The following ELFN2 variants were observed in gnomAD, a reference collection of about 807,000 sequenced individuals.
ELFN2 encodes protein phosphatase 1 regulatory subunit 29.
ELFN2 carries 17 observed loss-of-function variants against 45.5 expected under a neutral mutation model. The ratio of observed to expected loss-of-function variants is 0.37; its 90% CI spans 0.26 to 0.56. The LOEUF (loss-of-function observed/expected upper bound fraction) is 0.56, where lower values mean the gene tolerates loss of function less well. ELFN2 is among the 20% of genes least tolerant of loss of function. ELFN2 has a pLI of 0.77. For missense variants in ELFN2, 922 were observed against 1,183.2 expected, an observed-to-expected ratio of 0.78 and a Z score of 3.24; for synonymous variants, 550 against 551.5, an observed-to-expected ratio of 1.00 and a Z score of 0.04.
At chr22:37,389,944 CA>C (rs891182100) in intron 2 of ELFN2, among the ~76,000 whole-genome samples, 39 of 152,172 alleles carry the variant, frequency 2.6e-4, no homozygotes, top group African/African-American at 8.0e-4. Context: ...TCCCCAAGAC[CA>C]GGGGGGTGGG....
intron 1 of ELFN2, among the ~76,000 whole-genome samples, chr22:37,346,394 C>T (rs1189780477): frequency 2.0e-5 from 3 of 152,188 alleles, no homozygotes; most frequent in South Asian, 2.1e-4. Context: ...TACCCCACCC[C>T]TCCTTCCCTC....
chr22:37,402,090 G>A (rs1932378591), intron 2 of ELFN2, among the ~76,000 whole-genome samples: 2 of 152,228 alleles, frequency 1.3e-5, no homozygotes, highest in South Asian at 4.1e-4. Flanking sequence ...CCTCATCTAT[G>A]AAGTAGGAAC....
At chr22:37,416,949 C>A (rs1932765358) in intron 2 of ELFN2, among the ~76,000 whole-genome samples, 1 of 152,200 alleles carries the variant, frequency 6.6e-6, no homozygotes, top group African/African-American at 2.4e-5. Context: ...TTAGCAACCA[C>A]CAACACTGTG....
At chr22:37,378,704 G>A (rs909750743) in intron 2 of ELFN2, among the ~76,000 whole-genome samples, 4 of 152,358 alleles carry the variant, frequency 2.6e-5, no homozygotes, top group South Asian at 4.1e-4. Context: ...TGACTCAGAC[G>A]GAGTTGGGAG....
chr22:37,384,725 A>G (rs13055099), intron 2 of ELFN2: 3 of 7,568 alleles, frequency 4.0e-4, no homozygotes, highest in African/African-American at 5.8e-4. Context: ...TCCCACTCCC[A>G]ACCCCTGCCC....
At chr22:37,381,375 T>C (rs992468960) in intron 2 of ELFN2, among the ~76,000 whole-genome samples, 9 of 152,108 alleles carry the variant, frequency 5.9e-5, no homozygotes, top group African/African-American at 2.2e-4. Flanking sequence ...GAGATTTCGA[T>C]GTTTCCATCA....
intron 1 of ELFN2, among the ~76,000 whole-genome samples, chr22:37,344,193 ATGCACACC>A (rs1930638128): frequency 4.2e-5 from 2 of 47,478 alleles, no homozygotes; most frequent in Non-Finnish European, 7.9e-5. Flanking sequence ...CCACCTGCCC[ATGCACACC>A]TGCCCATGCC....
intron 1 of ELFN2, among the ~76,000 whole-genome samples, chr22:37,347,162 G>C (rs1308534117): frequency 6.6e-6 from 1 of 151,972 alleles, no homozygotes; most frequent in African/African-American, 2.4e-5. Context: ...ATTTTTAGTA[G>C]AGATGGGGGT....
chr22:37,348,868 G>A (rs373793241), intron 1 of ELFN2, among the ~76,000 whole-genome samples: 6 of 150,962 alleles, frequency 4.0e-5, no homozygotes, highest in African/African-American at 1.4e-4. Context: ...TGATGGCTTG[G>A]TGGAGGTGGC....
chr22:37,380,515 G>A (rs1012953956), intron 2 of ELFN2, among the ~76,000 whole-genome samples: 1 of 152,318 alleles, frequency 6.6e-6, no homozygotes, highest in African/African-American at 2.4e-5. Context: ...AGGAGCAGGT[G>A]GGGGGAAGCG....
At chr22:37,354,351 T>G (rs1047514913) in intron 1 of ELFN2, 1 of 152,244 alleles carries the variant, frequency 6.6e-6, no homozygotes, top group Admixed American at 6.5e-5. Context: ...AGGCATGCTT[T>G]CTGTGTGTGT....
chr22:37,372,991 C>T lies in ELFN2; in HGVS notation c.*81G>A. ...CTGGGCCTTGGCCCCCGAGTCTGCT[C>T]CCCGCCCTGGCCGCCTGGACCCTTC... is the stretch of plus-strand genomic sequence containing the variant. On this transcript the variant is annotated 3_prime_UTR_variant, in exon 3 of 3. Coordinates refer to ENST00000402918, the MANE Select transcript of ELFN2 (RefSeq NM_052906.5). This position sits in a 1 kb window ranked among gnomAD's most constrained non-coding sequence, Gnocchi z 4.4. 2 of 1,483,268 alleles carry T rather than the reference C, an allele frequency of 1.3e-6. No individual in the cohort carries two copies. The highest frequency in any genetic ancestry group is 9.0e-7 in the Non-Finnish European group (1 of 1,116,872). 91.9% of individuals were successfully genotyped at this position (1,483,268 alleles called of 1,614,324 possible). A position where few individuals can be genotyped will look rare whatever the true frequency, so the allele number is the denominator to read the frequency against.
chr22:37,414,352 G>A (rs1053889195), intron 2 of ELFN2, among the ~76,000 whole-genome samples: 4 of 152,218 alleles, frequency 2.6e-5, no homozygotes, highest in Non-Finnish European at 5.9e-5. Context: ...ACCAGAACAG[G>A]AGACAGACAT....
chr22:37,365,951 T>A (rs1184975487), downstream of ELFN2, among the ~76,000 whole-genome samples: 1 of 149,012 alleles, frequency 6.7e-6, no homozygotes, highest in Non-Finnish European at 1.5e-5. Flanking sequence ...CTTGAGCACT[T>A]ACGAATAAAC....
chr22:37,343,265 G>A lies in ELFN2; in HGVS notation n.149-562C>T, dbSNP rs566719316. ...GGCAGGTGGGGGCCCCAGCTGCAAC[G>A]GTCTGTGTCCCAGGTCCGCTCCTCC... On this transcript the variant is annotated intron_variant and non_coding_transcript_variant, in intron 1 of 2. Transcript: ENST00000452946. Among the ~76,000 whole-genome samples, 12 of 152,194 alleles carry A rather than the reference G, an allele frequency of 7.9e-5. No individual in the cohort carries two copies. The South Asian group carries it at 2.5e-3, about 32-fold the overall frequency.
At chr22:37,422,822 T>C (rs1932818746) in intron 1 of ELFN2, among the ~76,000 whole-genome samples, 1 of 151,830 alleles carries the variant, frequency 6.6e-6, no homozygotes, top group Non-Finnish European at 1.5e-5. Flanking sequence ...CTCGAACTCC[T>C]GACCTCAGGT....
At chr22:37,381,955 C>CAAAA (rs1159476533) in intron 2 of ELFN2, among the ~76,000 whole-genome samples, 1 of 59,176 alleles carries the variant, frequency 1.7e-5, no homozygotes, top group Non-Finnish European at 3.0e-5. Context: ...GACTCCGTCT[C>CAAAA]AAAAAAAAAA....
At chr22:37,398,772 GTGTGCACACA>G (rs1035198530) in intron 2 of ELFN2, among the ~76,000 whole-genome samples, 6 of 152,174 alleles carry the variant, frequency 3.9e-5, no homozygotes, top group African/African-American at 4.8e-5. Context: ...CACATGTCAT[GTGTGCACACA>G]TGTGCACACA....
intron 1 of ELFN2, among the ~76,000 whole-genome samples, chr22:37,424,089 A>G (rs1932830367): frequency 6.6e-6 from 1 of 152,150 alleles, no homozygotes. Context: ...CACACAGCAC[A>G]TGTCACAACA....
Sources: gnomAD v4.1 joint callset for allele counts (sites outside exome capture counted in the v4.1 genomes callset) on GRCh38, gnomAD v4.1.1 for gene constraint, Gnocchi (gnomAD v3.1) non-coding constraint, MANE v1.5 for transcripts, NCBI Gene and HGNC (gene_info 2026-07-23, HGNC 2026-07-21) for gene names.